The following PKN2 variants were observed in gnomAD, a reference collection of about 807,000 sequenced individuals.
PKN2 encodes the protein serine/threonine-protein kinase N2.
In PKN2, 38 loss-of-function variants were observed where a neutral mutation model predicts 119.1. The ratio of observed to expected loss-of-function variants is 0.32; its 90% CI spans 0.25 to 0.42. PKN2 has a LOEUF of 0.42. Ranked by LOEUF, PKN2 falls within the 10% of genes least tolerant of loss-of-function variation. PKN2 has a pLI of 1.00. For synonymous variants in PKN2, 390 were observed against 384.9 expected (o/e 1.01, Z -0.15); for missense variants, 850 against 1,165.1 (o/e 0.73, Z 3.94).
At chr1:88,713,163 C>T (rs902972236) in intron 1 of PKN2, among the ~76,000 whole-genome samples, 10 of 152,164 alleles carry the variant, frequency 6.6e-5, no homozygotes, top group Non-Finnish European at 1.5e-4. Flanking sequence ...CTTTCTTAAT[C>T]CAGTCTATTG....
At position 88,833,401 on chromosome 1, in the gene PKN2, G is replaced by A; in HGVS notation, c.2908G>A (p.Glu970Lys). The A allele has an allele frequency of 6.2e-7, 1 of 1,613,330 alleles. No individual in the cohort carries two copies. Among genetic ancestry groups the A allele is most frequent in the East Asian group, 2.2e-5 (1 of 44,858 alleles). The change falls in exon 22 of 22, where the codon GAG becomes AAG. Residue 970 changes from glutamate to lysine, a missense_variant. By Grantham distance (56) the Glu-to-Lys change is moderately conservative. Around this residue, in one of 9 missense-constraint regions of PKN2, gnomAD observed 52 missense variants for 39.9 expected, o/e 1.30. Transcript: ENST00000370521. ...AGAACCAAGGATACTTTCGGAAGAG[G>A]AGCAGGAAATGTTCAGAGATTTTGA... ...PREPRILSEE[E>K]QEMFRDFDYI...
At chr1:88,794,343 G>C (rs568569464) in intron 8 of PKN2, among the ~76,000 whole-genome samples, 1 of 149,574 alleles carries the variant, frequency 6.7e-6, no homozygotes, top group South Asian at 2.1e-4. Context: ...CTCCAGCCTG[G>C]GCAACAAGAG....
At chr1:88,767,239 G>A (rs574220003) in intron 3 of PKN2, among the ~76,000 whole-genome samples, 1 of 152,066 alleles carries the variant, frequency 6.6e-6, no homozygotes, top group East Asian at 1.9e-4. Flanking sequence ...TAAGAGAATG[G>A]TATCACAATT....
At chr1:88,741,402 G>C in intron 2 of PKN2, 114 bp downstream of exon 2, 1 of 645,716 alleles carries the variant, frequency 1.5e-6, no homozygotes, top group Non-Finnish European at 2.4e-6. Context: ...TGAAAGTAGA[G>C]AGACTTTTTC....
Position 88,761,612 on chromosome 1 carries a change from T to TAAA in PKN2, c.504+1256_504+1258dup, listed in dbSNP as rs368283566. On this transcript the variant is annotated intron_variant, in intron 3 of 21. Coordinates refer to ENST00000370521, the MANE Select transcript of PKN2 (RefSeq NM_006256.4). ...TCAATATAGCAAGACCCTGTCTCTT[T>TAAA]AAAAAAAAAAAAAAAAAAAAAAGAC... Among the ~76,000 whole-genome samples the TAAA allele has an allele frequency of 1.9e-3, 192 of 101,996 alleles. 1 individual carries two copies. Among genetic ancestry groups the TAAA allele is most frequent in the African/African-American group, 6.1e-3 (170 of 27,900 alleles). The allele number at this position is 101,996 out of a possible 152,430, so 66.9% of individuals were successfully genotyped here.
chr1:88,747,126 A>G (rs1668801512), intron 2 of PKN2, among the ~76,000 whole-genome samples: 1 of 152,138 alleles, frequency 6.6e-6, no homozygotes, highest in African/African-American at 2.4e-5. Flanking sequence ...TAAATGGGAA[A>G]GAGGAAGTTG....
intron 1 of PKN2, among the ~76,000 whole-genome samples, chr1:88,717,551 A>G (rs1345039892): frequency 7.3e-5 from 11 of 151,580 alleles, no homozygotes; most frequent in Non-Finnish European, 1.3e-4. Flanking sequence ...TTGATCTTCA[A>G]TCACTGATAT....
chr1:88,718,369 A>C (rs1283205443), intron 1 of PKN2, among the ~76,000 whole-genome samples: 1 of 152,150 alleles, frequency 6.6e-6, no homozygotes, highest in Non-Finnish European at 1.5e-5. Flanking sequence ...AGGGACATTT[A>C]AGTCTGCAGA....
At chr1:88,780,185 A>C (rs1670277688) in intron 6 of PKN2, among the ~76,000 whole-genome samples, 1 of 152,202 alleles carries the variant, frequency 6.6e-6, no homozygotes, top group South Asian at 2.1e-4. Flanking sequence ...CCCAAAAAGA[A>C]GTAATCTTGC....
chr1:88,746,767 A>G (rs1034290666), intron 2 of PKN2, among the ~76,000 whole-genome samples: 1 of 152,286 alleles, frequency 6.6e-6, no homozygotes, highest in East Asian at 1.9e-4. Flanking sequence ...TATATATTCA[A>G]AGAAATTTAA....
At chr1:88,699,326 C>T (rs527876271) in intron 1 of PKN2, among the ~76,000 whole-genome samples, 1 of 152,056 alleles carries the variant, frequency 6.6e-6, no homozygotes, top group African/African-American at 2.4e-5. Flanking sequence ...TGCCTTTTTG[C>T]AAATGTATTT....
intron 6 of PKN2, chr1:88,780,974 C>T (rs371764949): frequency 2.0e-6 from 1 of 510,410 alleles, no homozygotes. Context: ...CATTCCATTA[C>T]TGAACTTTAC....
At chr1:88,707,011 T>C (rs1423970302) in intron 1 of PKN2, among the ~76,000 whole-genome samples, 1 of 152,118 alleles carries the variant, frequency 6.6e-6, no homozygotes, top group Admixed American at 6.5e-5. Flanking sequence ...TGTCTGTTTT[T>C]GGTTTTGTTT....
At chr1:88,825,590 T>G (rs1425397850) in intron 18 of PKN2, among the ~76,000 whole-genome samples, 1 of 152,216 alleles carries the variant, frequency 6.6e-6, no homozygotes, top group East Asian at 1.9e-4. Context: ...CTACTGCCAC[T>G]TAACCTCCTG....
chr1:88,784,609 TTCTTA>T, intron 6 of PKN2, 25 bp from the exon 7 acceptor site: 1 of 1,423,664 alleles, frequency 7.0e-7, no homozygotes, highest in East Asian at 2.5e-5. Context: ...AGGGTTGATG[TTCTTA>T]TCTGATATTT....
At position 88,835,688 on chromosome 1, in the gene PKN2, CTA is replaced by C. The variant is rs1158513530; in HGVS notation, c.*2242_*2243del. On this transcript the variant is annotated 3_prime_UTR_variant, in exon 22 of 22. Transcript: ENST00000370521. The stretch of plus-strand genomic sequence containing the variant: ...AATTAGGATATTTTAGAATGGTACA[CTA>C]TGCATTCAAATGAAATGTGCCTTTC... 1 of 152,328 alleles carries C rather than the reference CTA, an allele frequency of 6.6e-6. No individual in the cohort carries two copies. The highest frequency in any genetic ancestry group is 1.5e-5 in the Non-Finnish European group (1 of 67,918). The allele number at this position is 152,328 out of a possible 1,614,324, so 9.4% of individuals were successfully genotyped here. A position where few individuals can be genotyped will look rare whatever the true frequency, so the allele number is the denominator to read the frequency against.
At chr1:88,717,100 T>C (rs1323885638) in intron 1 of PKN2, among the ~76,000 whole-genome samples, 7 of 152,148 alleles carry the variant, frequency 4.6e-5, no homozygotes, top group African/African-American at 9.7e-5. Flanking sequence ...AATTCTTTTC[T>C]TTAAGAATGT....
intron 8 of PKN2, among the ~76,000 whole-genome samples, chr1:88,794,083 A>G (rs1305917537): frequency 6.6e-6 from 1 of 152,052 alleles, no homozygotes; most frequent in Non-Finnish European, 1.5e-5. Context: ...AATTCGATAT[A>G]CCTGTTGGGC....
chr1:88,730,084 A>G (rs1194704821), intron 1 of PKN2, among the ~76,000 whole-genome samples: 3 of 151,980 alleles, frequency 2.0e-5, no homozygotes, highest in Non-Finnish European at 2.9e-5. Context: ...AGAATGACGT[A>G]AACCCGGGAG....
Sources: gnomAD v4.1 joint callset for allele counts (sites outside exome capture counted in the v4.1 genomes callset) on GRCh38, gnomAD v4.1.1 for gene constraint, gnomAD v4.1.1 regional missense constraint, MANE v1.5 for transcripts, NCBI Gene and HGNC (gene_info 2026-07-23, HGNC 2026-07-21) for gene names.